The following MYH10 variants were observed in gnomAD, a reference collection of about 807,000 sequenced individuals.
The protein encoded by MYH10 is myosin heavy chain 10, also known as myosin-10.
In MYH10, 55 loss-of-function variants were observed where a neutral mutation model predicts 257.8. The observed-to-expected ratio is 0.21, with a 90% CI of 0.17 to 0.27. MYH10 has a LOEUF of 0.27. Among genes scored for constraint, MYH10 ranks in the 10% least tolerant of loss-of-function variants. MYH10 has a pLI of 1.00. For missense variants in MYH10, 1,631 were observed against 2,500.6 expected, an observed-to-expected ratio of 0.65 and a Z score of 7.42; for synonymous variants, 854 against 921.7, an observed-to-expected ratio of 0.93 and a Z score of 1.33.
rs765197169 is a variant in MYH10, at chr17:8,495,126, C to G, written c.4056+11G>C. ...AGTTATTATAAAGACCCCTTGCTCC[C>G]CAGGGAATACCTGTGTATCCTGTAG... On this transcript the variant is annotated intron_variant, in intron 31 of 42. Transcript: ENST00000360416. 6.6e-7 allele frequency: 1 copy of G among 1,524,640 alleles called. No homozygotes were observed. The highest frequency in any genetic ancestry group is 9.1e-7 in the Non-Finnish European group (1 of 1,098,984). 94.4% of individuals were successfully genotyped at this position (1,524,640 alleles called of 1,614,324 possible).
chr17:8,499,324 G>T lies in MYH10; in HGVS notation c.3897C>A (p.Val1299=), dbSNP rs371752958. Residue 1299 remains valine (V), a synonymous_variant, in exon 30 of 43, where the codon GTC becomes GTA. Coordinates refer to ENST00000360416, the MANE Select transcript of MYH10 (RefSeq NM_001256012.3). ...CCACCCTGAGCCTGTCGCCTTCAGA[G>T]ACCTTGGCATGGAGCTCCTGGACCT... is the stretch of plus-strand genomic sequence containing the variant. ...DAQVQELHAK[V]SEGDRLRVEL... 4.5e-5 allele frequency: 73 copies of T among 1,614,080 alleles called. No homozygotes were observed. Among genetic ancestry groups the T allele is most frequent in the Non-Finnish European group, 5.8e-5 (69 of 1,180,016 alleles).
chr17:8,606,627 A>G (rs562989855), intron 2 of MYH10, among the ~76,000 whole-genome samples: 1 of 152,196 alleles, frequency 6.6e-6, no homozygotes, highest in Non-Finnish European at 1.5e-5. Context: ...CTGCCAAAAA[A>G]TTTCAAGTGA....
At chr17:8,568,591 A>C (rs1010695233) in intron 7 of MYH10, among the ~76,000 whole-genome samples, 1 of 151,972 alleles carries the variant, frequency 6.6e-6, no homozygotes, top group Non-Finnish European at 1.5e-5. Context: ...GAGCAGGGAG[A>C]AAAAAAAGGG....
intron 17 of MYH10, among the ~76,000 whole-genome samples, chr17:8,527,167 T>A (rs2081872722): frequency 6.6e-6 from 1 of 152,246 alleles, no homozygotes; most frequent in Non-Finnish European, 1.5e-5. Flanking sequence ...TGTTACGTGG[T>A]ACTGTAATAA....
In MYH10 at chr17:8,604,387, T is replaced by G. The variant is rs150527045; in HGVS notation, c.502+439A>C. ...AGGAATACAATCAAAATCAACCAAC[T>G]TAACACATGCTTTTTAACTTTTATT... On this transcript the variant is annotated intron_variant, in intron 3 of 42. Coordinates refer to ENST00000360416, the MANE Select transcript of MYH10 (RefSeq NM_001256012.3). 9.2e-5 allele frequency among the ~76,000 whole-genome samples: 14 copies of G among 152,328 alleles called. No individual in the cohort carries two copies. The East Asian group carries it at 2.7e-3, about 29-fold the overall frequency.
Position 8,474,401 on chromosome 17 carries a change from A to G in MYH10, c.*1403T>C, listed in dbSNP as rs1469568885. The G allele has an allele frequency of 6.6e-6, 1 of 152,618 alleles. No individual in the cohort carries two copies. The highest frequency in any genetic ancestry group is 1.5e-5 in the Non-Finnish European group (1 of 68,042). 9.5% of individuals were successfully genotyped at this position (152,618 alleles called of 1,614,324 possible). A position where few individuals can be genotyped will look rare whatever the true frequency, so the allele number is the denominator to read the frequency against. ...GTGTCTGGTGGTCAACAGCCAGTAC[A>G]GTTCATAAAGGGGGAAAATCCAAGA... On this transcript the variant is annotated 3_prime_UTR_variant, in exon 43 of 43. Transcript: ENST00000360416.
chr17:8,498,087 A>T (rs1370048726), intron 30 of MYH10, among the ~76,000 whole-genome samples: 1 of 145,968 alleles, frequency 6.9e-6, no homozygotes, highest in Admixed American at 7.2e-5. Flanking sequence ...GATTCAAGCG[A>T]TTCTCCTGCC....
intron 40 of MYH10, 109 bp from the exon 41 acceptor site, chr17:8,478,555 A>T: frequency 1.1e-6 from 1 of 922,680 alleles, no homozygotes; most frequent in Non-Finnish European, 1.7e-6. Flanking sequence ...TGGTGGAGGC[A>T]TTATGGACCT....
At chr17:8,600,819 T>C (rs1028584766) in intron 3 of MYH10, among the ~76,000 whole-genome samples, 1 of 152,096 alleles carries the variant, frequency 6.6e-6, no homozygotes, top group Non-Finnish European at 1.5e-5. Context: ...GTGCATAGGA[T>C]TTGAGTGATG....
At chr17:8,588,743 G>T (rs2084009573) in intron 4 of MYH10, among the ~76,000 whole-genome samples, 1 of 152,180 alleles carries the variant, frequency 6.6e-6, no homozygotes, top group South Asian at 2.1e-4. Flanking sequence ...GTTTAACACT[G>T]AGCACACAGT....
intron 38 of MYH10, 68 bp downstream of exon 38, chr17:8,481,254 C>T: frequency 6.7e-7 from 1 of 1,488,212 alleles, no homozygotes; most frequent in Non-Finnish European, 9.3e-7. Context: ...TGTGTGGACA[C>T]CTCCAGCCTT....
At chr17:8,582,912 G>A (rs1415905966) in intron 4 of MYH10, among the ~76,000 whole-genome samples, 1 of 152,144 alleles carries the variant, frequency 6.6e-6, no homozygotes, top group Non-Finnish European at 1.5e-5. Flanking sequence ...ATCACCCTCT[G>A]CTTGAAGTTC....
rs547524876 is a variant in MYH10 at position 8,519,053 on chromosome 17, A to G, written c.2274-103T>C. ...AAGAGGCAATAAAATGTTGGGTAAT[A>G]CATGTTAAAGATATGATGTAATACA... On this transcript the variant is annotated intron_variant, in intron 19 of 42. Coordinates refer to ENST00000360416, the MANE Select transcript of MYH10 (RefSeq NM_001256012.3). The G allele has an allele frequency of 1.2e-4, 101 of 811,552 alleles. No homozygotes were observed. The Admixed American group carries it at 1.8e-3, about 15-fold the overall frequency. The allele number at this position is 811,552 out of a possible 1,614,324, so 50.3% of individuals were successfully genotyped here. A position where few individuals can be genotyped will look rare whatever the true frequency, so the allele number is the denominator to read the frequency against.
chr17:8,611,364 T>C (rs1567979274), intron 2 of MYH10, among the ~76,000 whole-genome samples: 1 of 152,232 alleles, frequency 6.6e-6, no homozygotes, highest in Non-Finnish European at 1.5e-5. Flanking sequence ...CAATTCCTTG[T>C]ACACAATAAC....
At chr17:8,498,925 T>G (rs1917102478) in intron 30 of MYH10, among the ~76,000 whole-genome samples, 1 of 152,214 alleles carries the variant, frequency 6.6e-6, no homozygotes, top group South Asian at 2.1e-4. Flanking sequence ...CGTAAATCTT[T>G]GCCAATGTGA....
At chr17:8,579,566 T>G (rs2083626497) in intron 4 of MYH10, among the ~76,000 whole-genome samples, 1 of 152,216 alleles carries the variant, frequency 6.6e-6, no homozygotes, top group East Asian at 1.9e-4. Flanking sequence ...CTTAATGGTT[T>G]ATAAGACTAT....
chr17:8,630,195 A>G (rs1018103653), intron 1 of MYH10, among the ~76,000 whole-genome samples: 1 of 150,288 alleles, frequency 6.7e-6, no homozygotes, highest in African/African-American at 2.5e-5. Context: ...TGGGAGGCAG[A>G]CACTGGCTCG....
rs16957310 is a variant in MYH10, at chr17:8,477,112, C to T, written c.5707-64G>A. Reference sequence around the variant, plus strand: ...TGAATCCAGTGTCGGCCTCTCTGTACCCCGAGCGTGGCAGTGTGGGGCTCT... The same window carrying T: ...TGAATCCAGTGTCGGCCTCTCTGTATCCCGAGCGTGGCAGTGTGGGGCTCT... On this transcript the variant is annotated intron_variant, in intron 41 of 42. Transcript: ENST00000360416. The surrounding 1 kb of genome is among the most constrained non-coding windows in gnomAD (Gnocchi z 4.2). 3,716 of 1,582,990 alleles carry T rather than the reference C, an allele frequency of 2.3e-3. 75 individuals are homozygous for T. In the African/African-American group the frequency reaches 0.044, roughly 19 times the overall value.
chr17:8,614,307 C>CTTTTT lies in MYH10; in HGVS notation c.345+8590_345+8594dup, dbSNP rs35801623. Among the ~76,000 whole-genome samples, 322 of 77,130 alleles carry CTTTTT rather than the reference C, an allele frequency of 4.2e-3. 54 individuals carry two copies. Among genetic ancestry groups the CTTTTT allele is most frequent in the East Asian group, 0.033 (86 of 2,568 alleles). 50.6% of individuals were successfully genotyped at this position (77,130 alleles called of 152,430 possible). On this transcript the variant is annotated intron_variant, in intron 2 of 42. Transcript: ENST00000360416. ...GATTTAGAAAGTAAGCAATTCACTT[C>CTTTTT]TTTTTTTTTTTTTTTTTTTTTTTTT...
Sources: allele counts gnomAD v4.1 joint callset (sites outside exome capture counted in the v4.1 genomes callset), GRCh38; gene constraint gnomAD v4.1.1; non-coding constraint Gnocchi (gnomAD v3.1); transcripts MANE v1.5; gene names NCBI Gene and HGNC (gene_info 2026-07-23, HGNC 2026-07-21).